The following IGSF9 variants were observed in gnomAD, a reference collection of about 807,000 sequenced individuals.
IGSF9 encodes immunoglobulin superfamily member 9.
A neutral mutation model predicts 121.7 loss-of-function variants in IGSF9; 87 were observed. The ratio of observed to expected loss-of-function variants is 0.71; its 90% CI spans 0.60 to 0.85. IGSF9 has a LOEUF of 0.85. Among genes scored for constraint, IGSF9 ranks in the 40% least tolerant of loss-of-function variants. The probability of loss-of-function intolerance (pLI) is 0.00; values close to 1 mark genes in which losing one functional copy is unlikely to be tolerated. For synonymous variants in IGSF9, 640 were observed against 648.4 expected, an observed-to-expected ratio of 0.99 and a Z score of 0.20; for missense variants, 1,462 against 1,565.3, an observed-to-expected ratio of 0.93 and a Z score of 1.11.
rs371960851 is a variant in IGSF9, at chr1:159,932,035, A to T, written c.1246-107T>A. 1 of 672,272 alleles carries T rather than the reference A, an allele frequency of 1.5e-6. No individual in the cohort carries two copies. Among genetic ancestry groups the T allele is most frequent in the Admixed American group, 2.7e-5 (1 of 37,228 alleles). The allele number at this position is 672,272 out of a possible 1,614,324, so 41.6% of individuals were successfully genotyped here. A position where few individuals can be genotyped will look rare whatever the true frequency, so the allele number is the denominator to read the frequency against. ...GCCATGTCTCACCTCACTCTCCCTC[A>T]CTCCCCCTAGCTAAACACTCACCAA... On this transcript the variant is annotated intron_variant, in intron 10 of 20. Coordinates refer to ENST00000368094, the MANE Select transcript of IGSF9 (RefSeq NM_001135050.2). This position sits in a 1 kb window ranked among gnomAD's most constrained non-coding sequence, Gnocchi z 4.1.
Position 159,932,825 on chromosome 1 carries a change from C to CAGAGGGACCCCTCCCAATAGTGTG in IGSF9, c.1105-197_1105-174dup. The CAGAGGGACCCCTCCCAATAGTGTG allele has an allele frequency of 1.6e-6, 1 of 618,734 alleles. No homozygotes were observed. The highest frequency in any genetic ancestry group is 4.2e-4 in the Middle Eastern group (1 of 2,360). The allele number at this position is 618,734 out of a possible 1,614,324, so 38.3% of individuals were successfully genotyped here. ...TTTCCAGTGCTTCCTTTCCTTCCTGCAGAGGGACCCCTCCCAATAGTGTGA... is the reference window on the plus strand; with the variant it reads ...TTTCCAGTGCTTCCTTTCCTTCCTGCAGAGGGACCCCTCCCAATAGTGTGAGAGGGACCCCTCCCAATAGTGTGA... On this transcript the variant is annotated intron_variant, in intron 9 of 20. Coordinates refer to ENST00000368094, the MANE Select transcript of IGSF9 (RefSeq NM_001135050.2). The surrounding 1 kb of genome is among the most constrained non-coding windows in gnomAD (Gnocchi z 4.1).
At chr1:159,929,502 G>C in intron 17 of IGSF9, 109 bp from the exon 18 acceptor site, 18 of 1,502,680 alleles carry the variant, frequency 1.2e-5, no homozygotes, top group Non-Finnish European at 1.6e-5. Flanking sequence ...TGGGAAAAGC[G>C]TAGGCAGGAC....
At chr1:159,927,945 C>T (rs1201157613) in intron 19 of IGSF9, 58 bp from the exon 20 acceptor site, 1 of 1,577,630 alleles carries the variant, frequency 6.3e-7, no homozygotes, top group Admixed American at 1.9e-5. Flanking sequence ...AGAGGCTGTT[C>T]AGAAAAGTCT....
In IGSF9 at chr1:159,931,680, C is replaced by T; in HGVS notation, c.1363-77G>A. On this transcript the variant is annotated intron_variant, in intron 11 of 20. Coordinates refer to ENST00000368094, the MANE Select transcript of IGSF9 (RefSeq NM_001135050.2). The surrounding 1 kb of genome is among the most constrained non-coding windows in gnomAD (Gnocchi z 4.8). ...AGGCGCCCCTCATCTCTCCAGGCAGCTCCAGTTCCTCCCCACCCTGCCTCT... is the reference window on the plus strand; with the variant it reads ...AGGCGCCCCTCATCTCTCCAGGCAGTTCCAGTTCCTCCCCACCCTGCCTCT... 6.5e-7 allele frequency: 1 copy of T among 1,548,960 alleles called. No individual in the cohort carries two copies. The highest frequency in any genetic ancestry group is 8.8e-7 in the Non-Finnish European group (1 of 1,136,462).
In IGSF9 at chr1:159,928,358, T is replaced by G; in HGVS notation, c.3030A>C (p.Pro1010=). ...CTCGAGGGGCAGCAGGGAGAAGGCC[T>G]GGCAGCAGCCGCTCCCTCAGTGTCC... is the stretch of plus-strand genomic sequence containing the variant. ...ADWTLRERLL[P]GLLPAAPRGS... is the part of the protein sequence containing the mutation. Residue 1010 remains proline (P), a synonymous_variant, in exon 19 of 21, where the codon CCA becomes CCC. Coordinates refer to ENST00000368094, the MANE Select transcript of IGSF9 (RefSeq NM_001135050.2). 6.2e-7 allele frequency: 1 copy of G among 1,609,488 alleles called. No homozygotes were observed. The highest frequency in any genetic ancestry group is 8.5e-7 in the Non-Finnish European group (1 of 1,178,114).
At chr1:159,935,628 G>A (rs1271492608) in intron 6 of IGSF9, among the ~76,000 whole-genome samples, 1 of 152,254 alleles carries the variant, frequency 6.6e-6, no homozygotes, top group Non-Finnish European at 1.5e-5. Context: ...CATGATGCGA[G>A]CTGACACAAC....
At position 159,932,502 on chromosome 1, in the gene IGSF9, C is replaced by T. The variant is rs776053349; in HGVS notation, c.1245+10G>A. 2 of 1,613,636 alleles carry T rather than the reference C, an allele frequency of 1.2e-6. No individual in the cohort carries two copies. Among genetic ancestry groups the T allele is most frequent in the African/African-American group, 1.3e-5 (1 of 74,866 alleles). On this transcript the variant is annotated intron_variant, in intron 10 of 20. Transcript: ENST00000368094. The surrounding 1 kb of genome is among the most constrained non-coding windows in gnomAD (Gnocchi z 4.1). ...TGTCACCACAGGCCCCCGCCCACCC[C>T]CGGCCTAACCTTGAGCAGCACGCGG...
At chr1:159,936,671 C>T in intron 5 of IGSF9, 83 bp downstream of exon 5, 2 of 1,566,312 alleles carry the variant, frequency 1.3e-6, no homozygotes, top group Non-Finnish European at 1.7e-6. Context: ...GCCTTTGCCT[C>T]CTCTGTCCTC....
At position 159,934,243 on chromosome 1, in the gene IGSF9, G is replaced by C. The variant is rs781024907; in HGVS notation, c.1051C>G (p.Pro351Ala). The C allele has an allele frequency of 3.7e-6, 6 of 1,614,058 alleles. No homozygotes were observed. The highest frequency in any genetic ancestry group is 5.1e-6 in the Non-Finnish European group (6 of 1,179,992). Residue 351 changes from proline to alanine, a missense_variant, in exon 9 of 21, where the codon CCA becomes GCA. By Grantham distance (27) the Pro-to-Ala change is conservative. Coordinates refer to ENST00000368094, the MANE Select transcript of IGSF9 (RefSeq NM_001135050.2). ...VIRCPVRANPPLLFVSWTKDG... is the reference protein window; with the variant it reads ...VIRCPVRANPALLFVSWTKDG... ...TTGGTCCAGCTGACAAAGAGCAGTGGGGGGTTGGCACGAACCGGGCAGCGG... is the reference window on the plus strand; with the variant it reads ...TTGGTCCAGCTGACAAAGAGCAGTGCGGGGTTGGCACGAACCGGGCAGCGG...
Position 159,927,181 on chromosome 1 carries a change from C to T in IGSF9, c.*164G>A. 1.3e-6 allele frequency: 1 copy of T among 741,270 alleles called. No homozygotes were observed. Among genetic ancestry groups the T allele is most frequent in the Non-Finnish European group, 2.3e-6 (1 of 433,830 alleles). 45.9% of individuals were successfully genotyped at this position (741,270 alleles called of 1,614,324 possible). The stretch of plus-strand genomic sequence containing the variant: ...TCCCCAGACTCACCTAGGGGGTCAG[C>T]ACATACATTCCATACCAAGGTGACC... On this transcript the variant is annotated 3_prime_UTR_variant, in exon 21 of 21. Transcript: ENST00000368094.
rs1481445298 is a variant in IGSF9 at position 159,930,781 on chromosome 1, T to C, written c.1724A>G (p.Gln575Arg). 1 of 1,614,074 alleles carries C rather than the reference T, an allele frequency of 6.2e-7. No individual in the cohort carries two copies. Among genetic ancestry groups the C allele is most frequent in the Admixed American group, 1.7e-5 (1 of 60,004 alleles). The stretch of plus-strand genomic sequence containing the variant: ...GCTGAACTGGTACTGGGTGTGGGGC[T>C]GCAGCCCTGGCACTAGGAGGTGAGC... ...GAAHLLVPGL[Q>R]PHTQYQFSVL... The change falls in exon 14 of 21, where the codon CAG becomes CGG. Residue 575 changes from glutamine (Q) to arginine (R), a missense_variant. Gln to Arg is a conservative substitution (Grantham distance 43, BLOSUM62 1). Transcript: ENST00000368094.
Position 159,928,902 on chromosome 1 carries a change from G to T in IGSF9, c.2486C>A (p.Pro829His). The T allele has an allele frequency of 6.3e-7, 1 of 1,593,838 alleles. No homozygotes were observed. Among genetic ancestry groups the T allele is most frequent in the Non-Finnish European group, 8.5e-7 (1 of 1,170,954 alleles). ...CCGGCTAGATGGAGGATCCGGGTGG[G>T]GGCTGGGAGTTCCGGCAGGATCCCC... is the stretch of plus-strand genomic sequence containing the variant. ...LWGDPAGTPS[P>H]HPDPPSSRGP... is the part of the protein sequence containing the mutation. The change falls in exon 19 of 21, where the codon CCC becomes CAC. Residue 829 changes from proline (P) to histidine (H), a missense_variant. Physicochemically the swap from Pro to His is moderately conservative, Grantham distance 77. Around this residue, in one of 3 missense-constraint regions of IGSF9, gnomAD observed 808 missense variants for 815.2 expected, o/e 0.99. Transcript: ENST00000368094.
Position 159,927,428 on chromosome 1 carries a change from G to A in IGSF9, c.3457C>T (p.Arg1153Cys), listed in dbSNP as rs775523836. 8.1e-5 allele frequency: 131 copies of A among 1,614,090 alleles called. No individual in the cohort carries two copies. The East Asian group carries it at 1.8e-3, about 22-fold the overall frequency. The part of the protein sequence containing the change: ...AALREEFLAF[R>C]RRRDATRARL... ...GCCCTAGTAGCATCTCGGCGGCGGC[G>A]GAAGGCCAGGAATTCCTCCCGAAGG... Residue 1153 changes from arginine (R) to cysteine (C), a missense_variant, in exon 21 of 21, where the codon CGC (arginine) becomes TGC (cysteine). Physicochemically the swap from Arg to Cys is radical, Grantham distance 180. Coordinates refer to ENST00000368094, the MANE Select transcript of IGSF9 (RefSeq NM_001135050.2).
chr1:159,943,962 C>T (rs1471985837), intron 1 of IGSF9, among the ~76,000 whole-genome samples: 1 of 152,078 alleles, frequency 6.6e-6, no homozygotes, highest in Non-Finnish European at 1.5e-5. Context: ...TGGGGTTCCT[C>T]ATATGCTTGG....
chr1:159,934,912 T>C (rs2101879026), intron 6 of IGSF9, 90 bp from the exon 7 acceptor site: 3 of 1,486,084 alleles, frequency 2.0e-6, no homozygotes, highest in Non-Finnish European at 2.8e-6. Context: ...CCAGCTCTGC[T>C]CTCTGGAATC....
rs1650998862 is a variant in IGSF9 at position 159,931,548 on chromosome 1, A to G, written c.1418T>C (p.Leu473Pro). 1 of 1,614,024 alleles carries G rather than the reference A, an allele frequency of 6.2e-7. No individual in the cohort carries two copies. The highest frequency in any genetic ancestry group is 1.3e-5 in the African/African-American group (1 of 74,922). The change falls in exon 12 of 21, where the codon CTG becomes CCG. Residue 473 changes from leucine to proline, a missense_variant. Coordinates refer to ENST00000368094, the MANE Select transcript of IGSF9 (RefSeq NM_001135050.2). This position sits in a 1 kb window ranked among gnomAD's most constrained non-coding sequence, Gnocchi z 4.8. The stretch of plus-strand genomic sequence containing the variant: ...GTGGGCCTCCTTGGTCAATGGTCGC[A>G]GGATGAGGCTGCTGTTGCTGTCCAC... ...AQVDSNSSLI[L>P]RPLTKEAHGH...
At position 159,928,544 on chromosome 1, in the gene IGSF9, G is replaced by A. The variant is rs776739743; in HGVS notation, c.2844C>T (p.Ser948=). ...CCATGTAATCTGGGGGTGCAGCAGG[G>A]CTGGGCTCCTCAAGCGGGGGCCAGT... The part of the protein sequence containing the change: ...DGDWPPLEEP[S]PAAPPDYMDT... Residue 948 remains serine, a synonymous_variant, in exon 19 of 21, where the codon AGC becomes AGT. Coordinates refer to ENST00000368094, the MANE Select transcript of IGSF9 (RefSeq NM_001135050.2). 1.3e-6 allele frequency: 2 copies of A among 1,552,288 alleles called. No homozygotes were observed. Among genetic ancestry groups the A allele is most frequent in the Admixed American group, 3.9e-5 (2 of 51,138 alleles).
Position 159,931,689 on chromosome 1 carries a change from C to A in IGSF9, c.1363-86G>T. The A allele has an allele frequency of 6.5e-7, 1 of 1,535,514 alleles. No individual in the cohort carries two copies. The highest frequency in any genetic ancestry group is 2.3e-5 in the East Asian group (1 of 43,786). ...TCATCTCTCCAGGCAGCTCCAGTTC[C>A]TCCCCACCCTGCCTCTGACAGCCTT... On this transcript the variant is annotated intron_variant, in intron 11 of 20. Coordinates refer to ENST00000368094, the MANE Select transcript of IGSF9 (RefSeq NM_001135050.2). The surrounding 1 kb of genome is among the most constrained non-coding windows in gnomAD (Gnocchi z 4.8).
chr1:159,928,422 C>T lies in IGSF9; in HGVS notation c.2966G>A (p.Gly989Glu), dbSNP rs1436792707. ...TGTGTAAGGGGGCTCTGCAGTGGCC[C>T]CAGCCCCTACCACAGCCCCAGGAAG... ...ESLPGAVVGA[G>E]ATAEPPYTAL... is the part of the protein sequence containing the mutation. Residue 989 changes from glycine to glutamate, a missense_variant, in exon 19 of 21, where the codon GGG becomes GAG. By Grantham distance (98) the Gly-to-Glu change is moderately conservative. Coordinates refer to ENST00000368094, the MANE Select transcript of IGSF9 (RefSeq NM_001135050.2). 6.2e-7 allele frequency: 1 copy of T among 1,604,694 alleles called. No individual in the cohort carries two copies. Among genetic ancestry groups the T allele is most frequent in the Non-Finnish European group, 8.5e-7 (1 of 1,175,366 alleles).
Sources: gnomAD v4.1 joint callset for allele counts (sites outside exome capture counted in the v4.1 genomes callset) on GRCh38, gnomAD v4.1.1 for gene constraint, gnomAD v4.1.1 regional missense constraint, Gnocchi (gnomAD v3.1) non-coding constraint, MANE v1.5 for transcripts, NCBI Gene and HGNC (gene_info 2026-07-23, HGNC 2026-07-21) for gene names.